UBXN8: variants seen among roughly 807,000 people sequenced by gnomAD.
UBXN8 encodes UBX domain protein 8.
A neutral mutation model predicts 32.1 loss-of-function variants in UBXN8; 27 were observed. That is an observed-to-expected ratio of 0.84 (90% CI 0.62 to 1.16). UBXN8 has a LOEUF of 1.16. UBXN8 is among the 50% of genes most tolerant of loss of function. The pLI, the probability that UBXN8 is intolerant of heterozygous loss-of-function variation, is 0.00. For missense variants in UBXN8, 306 were observed against 311.4 expected (o/e 0.98, Z 0.13); for synonymous variants, 109 against 111.8 (o/e 0.98, Z 0.16).
chr8:30,741,192 C>A (rs1210329109), upstream of UBXN8, among the ~76,000 whole-genome samples: 1 of 152,122 alleles, frequency 6.6e-6, no homozygotes, highest in Non-Finnish European at 1.5e-5. Context: ...TCAAGACCAG[C>A]CTGAGCAACA....
rs1186027523 is a variant in UBXN8 at position 30,746,526 on chromosome 8, C to CTT, written c.88+2262_88+2263dup. Among the ~76,000 whole-genome samples the CTT allele has an allele frequency of 9.6e-4, 106 of 110,438 alleles. 9 individuals are homozygous for CTT. The highest frequency in any genetic ancestry group is 3.1e-3 in the African/African-American group (75 of 24,286). The allele number at this position is 110,438 out of a possible 152,430, so 72.5% of individuals were successfully genotyped here. On this transcript the variant is annotated intron_variant, in intron 1 of 7. Coordinates refer to ENST00000265616, the MANE Select transcript of UBXN8 (RefSeq NM_005671.4). Reference sequence around the variant, plus strand: ...TGTACTTAAGCTAGATTTTTTTTTTCTTTTTTTTTTTTTTGAGACGGAGTC... The same window carrying CTT: ...TGTACTTAAGCTAGATTTTTTTTTTCTTTTTTTTTTTTTTTTGAGACGGAGTC...
intron 5 of UBXN8, among the ~76,000 whole-genome samples, chr8:30,760,176 C>A (rs1243755562): frequency 1.4e-5 from 2 of 146,876 alleles, no homozygotes; most frequent in African/African-American, 2.5e-5. Context: ...GATTTTCCTG[C>A]CTCAGCCTCC....
At chr8:30,734,692 A>C (rs967857460) in intron 1 of UBXN8, among the ~76,000 whole-genome samples, 1 of 152,190 alleles carries the variant, frequency 6.6e-6, no homozygotes, top group East Asian at 1.9e-4. Flanking sequence ...TAATCCCAGC[A>C]CTCTGGGAAG....
chr8:30,742,942 T>C (rs1451629289), upstream of UBXN8, among the ~76,000 whole-genome samples: 2 of 152,102 alleles, frequency 1.3e-5, no homozygotes, highest in South Asian at 2.1e-4. Flanking sequence ...CTGAGTTTCT[T>C]GAGGACAAAT....
chr8:30,743,692 T>C (rs1586090735), upstream of UBXN8, among the ~76,000 whole-genome samples: 1 of 152,310 alleles, frequency 6.6e-6, no homozygotes, highest in East Asian at 1.9e-4. Flanking sequence ...GGCCCCACTT[T>C]CGAGTTGTCT....
At chr8:30,741,652 A>G (rs2128752429), upstream of UBXN8, among the ~76,000 whole-genome samples, 1 of 152,038 alleles carries the variant, frequency 6.6e-6, no homozygotes, top group Non-Finnish European at 1.5e-5. Context: ...GGGTTTCACC[A>G]TGTTGGCCAG....
At chr8:30,751,329 C>T in intron 1 of UBXN8, 67 bp from the exon 2 acceptor site, 2 of 1,353,484 alleles carry the variant, frequency 1.5e-6, no homozygotes, top group Non-Finnish European at 2.0e-6. Flanking sequence ...GCCTAGTCAA[C>T]ATAGTGAGAC....
chr8:30,766,353 G>T lies in UBXN8; in HGVS notation c.772G>T (p.Asp258Tyr). 6.2e-7 allele frequency: 1 copy of T among 1,613,018 alleles called. No individual in the cohort carries two copies. The highest frequency in any genetic ancestry group is 1.1e-5 in the South Asian group (1 of 90,916). The change falls in exon 8 of 8, where the codon GAC becomes TAC. Residue 258 changes from aspartate to tyrosine, a missense_variant. Coordinates refer to ENST00000265616, the MANE Select transcript of UBXN8 (RefSeq NM_005671.4). ...GCTGGAGGACATAGGAATAACTGTG[G>T]ACACTGTACTCATCCTGGAGGAGAA... ...QSLEDIGITVDTVLILEEKEQ... is the reference protein window; with the variant it reads ...QSLEDIGITVYTVLILEEKEQ...
At chr8:30,763,432 C>T in intron 7 of UBXN8, 85 bp downstream of exon 7, 1 of 1,312,438 alleles carries the variant, frequency 7.6e-7, no homozygotes, top group East Asian at 2.3e-5. Flanking sequence ...AAGGTGTGAT[C>T]ACACTGTCAT....
At chr8:30,761,465 G>A (rs1053797090) in intron 6 of UBXN8, among the ~76,000 whole-genome samples, 5 of 152,144 alleles carry the variant, frequency 3.3e-5, no homozygotes, top group African/African-American at 4.8e-5. Context: ...GGCTGGCCTG[G>A]AACTCCTGAC....
chr8:30,750,491 G>A (rs964576983), intron 1 of UBXN8, among the ~76,000 whole-genome samples: 2 of 150,152 alleles, frequency 1.3e-5, no homozygotes, highest in Non-Finnish European at 3.0e-5. Flanking sequence ...ACACCCTGTC[G>A]GCCGGGCACG....
At chr8:30,744,374 C>T (rs1311034533) in intron 1 of UBXN8, 97 bp downstream of exon 1, 9 of 1,217,380 alleles carry the variant, frequency 7.4e-6, no homozygotes, top group Admixed American at 4.0e-5. Flanking sequence ...GGCTTCGGAG[C>T]AGCTTTGACT....
intron 4 of UBXN8, among the ~76,000 whole-genome samples, 187 bp from the exon 5 acceptor site, chr8:30,756,578 G>A (rs985077487): frequency 6.6e-6 from 1 of 152,118 alleles, no homozygotes; most frequent in African/African-American, 2.4e-5. Flanking sequence ...CATAGCACCC[G>A]GCTCAAGCCT....
chr8:30,741,441 T>C (rs571450256), upstream of UBXN8, among the ~76,000 whole-genome samples: 1 of 146,566 alleles, frequency 6.8e-6, no homozygotes, highest in East Asian at 2.0e-4. Context: ...TAAGATTATG[T>C]CAAAGCAATG....
At chr8:30,764,211 C>T (rs1357292877) in intron 7 of UBXN8, among the ~76,000 whole-genome samples, 1 of 152,208 alleles carries the variant, frequency 6.6e-6, no homozygotes, top group Non-Finnish European at 1.5e-5. Context: ...ATTTAACCTT[C>T]AATGACAAGA....
At chr8:30,746,392 T>C (rs1436520600) in intron 1 of UBXN8, among the ~76,000 whole-genome samples, 4 of 152,188 alleles carry the variant, frequency 2.6e-5, no homozygotes, top group Non-Finnish European at 5.9e-5. Flanking sequence ...TCATACTTTA[T>C]ACCAGCAGCA....
chr8:30,763,223 A>G, intron 6 of UBXN8, 50 bp from the exon 7 acceptor site: 1 of 1,571,728 alleles, frequency 6.4e-7, no homozygotes, highest in Non-Finnish European at 8.8e-7. Flanking sequence ...AATGAAAGGA[A>G]TTGCAAAGAG....
At position 30,764,922 on chromosome 8, in the gene UBXN8, T is replaced by C. The variant is rs1438777156; in HGVS notation, c.646-1305T>C. 1.2e-4 allele frequency among the ~76,000 whole-genome samples: 18 copies of C among 152,092 alleles called. No homozygotes were observed. In the East Asian group the frequency reaches 3.5e-3, roughly 30 times the overall value. On this transcript the variant is annotated intron_variant, in intron 7 of 7. Coordinates refer to ENST00000265616, the MANE Select transcript of UBXN8 (RefSeq NM_005671.4). ...AAAATTAGCCGGACGTGGTGGTGCG[T>C]GCCTGTAGTCCCAGCTACTCAGGAG...
At chr8:30,750,814 GAA>G (rs1404937636) in intron 1 of UBXN8, among the ~76,000 whole-genome samples, 40 of 13,298 alleles carry the variant, frequency 3.0e-3, no homozygotes, top group Non-Finnish European at 7.1e-3. Flanking sequence ...CTTAAAAAAA[GAA>G]GGAAAAAAAA....
Sources: allele counts gnomAD v4.1 joint callset (sites outside exome capture counted in the v4.1 genomes callset), GRCh38; gene constraint gnomAD v4.1.1; transcripts MANE v1.5; gene names NCBI Gene and HGNC (gene_info 2026-07-23, HGNC 2026-07-21).